The following SENP1 variants were observed in gnomAD, a reference collection of about 807,000 sequenced individuals.
SENP1 encodes sentrin-specific protease 1.
Under a neutral mutation model 93.0 loss-of-function variants are expected in SENP1, and 21 were observed. That is an observed-to-expected ratio of 0.23 (90% CI 0.16 to 0.33). The LOEUF is 0.33. SENP1 is among the 10% of genes least tolerant of loss of function. SENP1 has a pLI of 1.00. For missense variants in SENP1, 591 were observed against 758.7 expected, an observed-to-expected ratio of 0.78 and a Z score of 2.60; for synonymous variants, 256 against 259.6, an observed-to-expected ratio of 0.99 and a Z score of 0.13.
At chr12:48,071,963 C>T (rs917100129) in intron 8 of SENP1, among the ~76,000 whole-genome samples, 1 of 152,096 alleles carries the variant, frequency 6.6e-6, no homozygotes, top group African/African-American at 2.4e-5. Context: ...CATATTTGCC[C>T]TTCAGAATTT....
At chr12:48,086,323 AAG>A in intron 5 of SENP1, among the ~76,000 whole-genome samples, 1 of 152,224 alleles carries the variant, frequency 6.6e-6, no homozygotes, top group Non-Finnish European at 1.5e-5. Context: ...AGAAGTGTAA[AAG>A]TGATAAAATT....
chr12:48,044,127 G>T lies in SENP1; in HGVS notation c.*1195C>A, dbSNP rs1013426887. ...AAGTTGATCAGTCCAAACTCCACCC[G>T]TTTTTTTTTTTAGCTGAAAATATCA... On this transcript the variant is annotated 3_prime_UTR_variant, in exon 18 of 18. Coordinates refer to ENST00000549518, the MANE Select transcript of SENP1 (RefSeq NM_001267594.2). 7.0e-6 allele frequency: 1 copy of T among 143,658 alleles called. No individual in the cohort carries two copies. The highest frequency in any genetic ancestry group is 2.5e-5 in the African/African-American group (1 of 39,308). The allele number at this position is 143,658 out of a possible 1,614,324, so 8.9% of individuals were successfully genotyped here.
chr12:48,047,084 G>A, intron 15 of SENP1, 22 bp from the exon 16 acceptor site: 1 of 1,490,080 alleles, frequency 6.7e-7, no homozygotes, highest in Non-Finnish European at 9.3e-7. Context: ...AGGAGAGAAT[G>A]AGATAAGCAG....
intron 13 of SENP1, among the ~76,000 whole-genome samples, chr12:48,049,886 A>G (rs1308346931): frequency 2.0e-5 from 3 of 152,216 alleles, no homozygotes; most frequent in African/African-American, 7.2e-5. Flanking sequence ...CTACCCCAGA[A>G]TCTATATGGT....
Position 48,071,723 on chromosome 12 carries a change from T to C in SENP1, c.941-2A>G, listed in dbSNP as rs746135854. 4 of 1,597,780 alleles carry C rather than the reference T, an allele frequency of 2.5e-6. No individual in the cohort carries two copies. Among genetic ancestry groups the C allele is most frequent in the Non-Finnish European group, 3.4e-6 (4 of 1,166,618 alleles). ...TCAGTAAAATCACAGAGTCTGATCC[T>C]AAAGAAACACAAGAGCATTTCATTA... On this transcript the variant is annotated splice_acceptor_variant, in intron 8 of 17. Coordinates refer to ENST00000549518, the MANE Select transcript of SENP1 (RefSeq NM_001267594.2). LOFTEE classifies it high-confidence loss of function.
chr12:48,085,228 T>C, intron 5 of SENP1: 8 of 1,546,280 alleles, frequency 5.2e-6, no homozygotes, highest in Non-Finnish European at 6.3e-6. Context: ...CGGCAATTTC[T>C]AAACCGGGAT....
intron 1 of SENP1, among the ~76,000 whole-genome samples, chr12:48,101,929 G>T (rs1945961373): frequency 6.6e-6 from 1 of 152,174 alleles, no homozygotes; most frequent in South Asian, 2.1e-4. Context: ...CAGACTTTGT[G>T]ATGGTCCTAT....
intron 9 of SENP1, among the ~76,000 whole-genome samples, chr12:48,068,496 G>T (rs1054942067): frequency 3.6e-4 from 55 of 151,982 alleles, no homozygotes; most frequent in Admixed American, 3.2e-3. Context: ...GAAAAAGGAG[G>T]TTCAAAAAGA....
At chr12:48,084,694 G>A (rs145219575) in intron 5 of SENP1, among the ~76,000 whole-genome samples, 1 of 151,844 alleles carries the variant, frequency 6.6e-6, no homozygotes, top group African/African-American at 2.4e-5. Context: ...GTAATCCGCC[G>A]GCCTCAGCTT....
chr12:48,046,327 T>C, intron 17 of SENP1, 29 bp downstream of exon 17: 1 of 1,489,820 alleles, frequency 6.7e-7, no homozygotes, highest in Non-Finnish European at 9.4e-7. Context: ...AAAGTAATCC[T>C]AGAGCTCCCT....
At chr12:48,064,982 T>G in intron 12 of SENP1, 83 bp downstream of exon 12, 1 of 1,039,722 alleles carries the variant, frequency 9.6e-7, no homozygotes, top group Non-Finnish European at 1.5e-6. Context: ...TGACCACTAT[T>G]GCTTTTATGT....
chr12:48,075,743 C>T (rs1425309700), intron 6 of SENP1, among the ~76,000 whole-genome samples: 1 of 151,854 alleles, frequency 6.6e-6, no homozygotes, highest in East Asian at 1.9e-4. Context: ...GATTATATTG[C>T]AGTGAAAGGA....
chr12:48,089,032 CA>C lies in SENP1; in HGVS notation c.221-73del, dbSNP rs1945064653. 9 of 1,538,386 alleles carry C rather than the reference CA, an allele frequency of 5.9e-6. No homozygotes were observed. The East Asian group carries it at 2.0e-4, about 35-fold the overall frequency. ...TTCTCCTTATGACTGCAACCATGACCAACCATTGTATTCCAAAGTAATGTGG... is the reference window on the plus strand; with the variant it reads ...TTCTCCTTATGACTGCAACCATGACCACCATTGTATTCCAAAGTAATGTGG... On this transcript the variant is annotated intron_variant, in intron 4 of 17. Coordinates refer to ENST00000549518, the MANE Select transcript of SENP1 (RefSeq NM_001267594.2).
intron 13 of SENP1, among the ~76,000 whole-genome samples, chr12:48,053,959 C>A (rs1469083963): frequency 6.6e-6 from 1 of 152,122 alleles, no homozygotes; most frequent in Non-Finnish European, 1.5e-5. Flanking sequence ...GACATGTCAG[C>A]TTGCTATTTT....
chr12:48,101,320 T>C (rs923934878), intron 2 of SENP1, 149 bp downstream of exon 2: 25 of 648,016 alleles, frequency 3.9e-5, no homozygotes, highest in Non-Finnish European at 6.0e-5. Context: ...GTTTGGTATA[T>C]AGTATTACAT....
intron 5 of SENP1, among the ~76,000 whole-genome samples, chr12:48,085,606 G>A (rs1371042011): frequency 2.0e-5 from 3 of 151,584 alleles, no homozygotes; most frequent in Non-Finnish European, 4.4e-5. Context: ...TTAAAATCAA[G>A]GCTGGTTAAG....
chr12:48,072,516 C>CT (rs1447538541), intron 8 of SENP1, among the ~76,000 whole-genome samples: 1 of 152,132 alleles, frequency 6.6e-6, no homozygotes, highest in Non-Finnish European at 1.5e-5. Flanking sequence ...ACTCAGGAGG[C>CT]TGAGGCAGCA....
intron 13 of SENP1, chr12:48,055,140 AG>A: frequency 3.8e-6 from 1 of 260,746 alleles, no homozygotes; most frequent in Non-Finnish European, 7.3e-6. Context: ...TGCGCTTGGC[AG>A]GGGAGCCACA....
intron 6 of SENP1, chr12:48,080,094 G>A (rs1472742196): frequency 6.6e-6 from 1 of 152,142 alleles, no homozygotes; most frequent in Non-Finnish European, 1.5e-5. Context: ...CATTTTTATT[G>A]TCACAAGTAT....
Sources: gnomAD v4.1 joint callset for allele counts (sites outside exome capture counted in the v4.1 genomes callset) on GRCh38, gnomAD v4.1.1 for gene constraint, MANE v1.5 for transcripts, NCBI Gene and HGNC (gene_info 2026-07-23, HGNC 2026-07-21) for gene names.